DGKG: variants seen among roughly 807,000 people sequenced by gnomAD.
The protein encoded by DGKG is DAG kinase gamma.
In DGKG, 78 loss-of-function variants were observed where a neutral mutation model predicts 105.3. The observed-to-expected ratio is 0.74, with a 90% CI of 0.62 to 0.89. The LOEUF (loss-of-function observed/expected upper bound fraction) is 0.89, where lower values mean the gene tolerates loss of function less well. DGKG is among the 40% of genes least tolerant of loss of function. DGKG has a pLI of 0.00. For synonymous variants in DGKG, 346 were observed against 367.1 expected (o/e 0.94, Z 0.66); for missense variants, 958 against 1,020.1 (o/e 0.94, Z 0.83).
At chr3:186,267,808 GA>G in intron 12 of DGKG, 31 bp from the exon 13 acceptor site, 1 of 1,595,596 alleles carries the variant, frequency 6.3e-7, no homozygotes, top group Non-Finnish European at 8.6e-7. Context: ...GAGAGTGAGT[GA>G]AAGTGAGCAA....
intron 9 of DGKG, among the ~76,000 whole-genome samples, chr3:186,275,892 A>C (rs1722558707): frequency 6.6e-6 from 1 of 152,228 alleles, no homozygotes; most frequent in Non-Finnish European, 1.5e-5. Flanking sequence ...TGTGTGGGAT[A>C]AAATAAATCC....
At chr3:186,180,195 G>A (rs144168059) in intron 22 of DGKG, among the ~76,000 whole-genome samples, 1 of 152,130 alleles carries the variant, frequency 6.6e-6, no homozygotes. Flanking sequence ...CATCAATAAG[G>A]CAGGGAACAT....
intron 20 of DGKG, among the ~76,000 whole-genome samples, chr3:186,230,882 T>C (rs1216808295): frequency 6.6e-6 from 1 of 152,220 alleles, no homozygotes; most frequent in Non-Finnish European, 1.5e-5. Flanking sequence ...AGTACACTGC[T>C]GGGCTCAGAG....
intron 3 of DGKG, among the ~76,000 whole-genome samples, chr3:186,302,517 TATATATATATATATAC>T (rs1724009170): frequency 6.1e-5 from 3 of 48,976 alleles, no homozygotes; most frequent in African/African-American, 4.1e-4. Flanking sequence ...CATATGTGTA[TATATATATATATATAC>T]ATATGTATAT....
intron 21 of DGKG, among the ~76,000 whole-genome samples, chr3:186,194,977 C>T (rs1462700310): frequency 6.6e-6 from 1 of 151,904 alleles, no homozygotes; most frequent in Admixed American, 6.6e-5. Context: ...TGGTGGGGGA[C>T]GCCTGTAATC....
intron 21 of DGKG, among the ~76,000 whole-genome samples, chr3:186,204,782 GAGA>G (rs1198102819): frequency 6.6e-6 from 1 of 152,146 alleles, no homozygotes; most frequent in Non-Finnish European, 1.5e-5. Context: ...GATCGATGTT[GAGA>G]AGAACTTGCT....
At chr3:186,266,779 G>T (rs1421461038) in intron 13 of DGKG, among the ~76,000 whole-genome samples, 1 of 152,066 alleles carries the variant, frequency 6.6e-6, no homozygotes, top group Non-Finnish European at 1.5e-5. Flanking sequence ...TGTATTTTTA[G>T]TAGAGATGGG....
intron 1 of DGKG, among the ~76,000 whole-genome samples, chr3:186,332,794 T>C (rs772045330): frequency 1.3e-5 from 2 of 152,098 alleles, no homozygotes; most frequent in Admixed American, 6.5e-5. Context: ...TATTGAGAGG[T>C]GAGGCCTTTA....
intron 21 of DGKG, among the ~76,000 whole-genome samples, chr3:186,195,323 A>C (rs903952959): frequency 6.6e-6 from 1 of 152,088 alleles, no homozygotes; most frequent in African/African-American, 2.4e-5. Context: ...AAAAAGAATT[A>C]CCTTAATACT....
At chr3:186,194,533 A>G (rs1039446340) in intron 21 of DGKG, among the ~76,000 whole-genome samples, 4 of 152,188 alleles carry the variant, frequency 2.6e-5, no homozygotes, top group Non-Finnish European at 5.9e-5. Flanking sequence ...TTCAGTTTTT[A>G]GCAACTAGGA....
intron 22 of DGKG, among the ~76,000 whole-genome samples, chr3:186,169,422 T>C (rs749028319): frequency 1.4e-4 from 21 of 152,250 alleles, no homozygotes; most frequent in Non-Finnish European, 2.6e-4. Context: ...TGCATTAATG[T>C]TATAACAAAA....
chr3:186,162,217 C>T (rs1474802171), intron 23 of DGKG, among the ~76,000 whole-genome samples: 1 of 152,178 alleles, frequency 6.6e-6, no homozygotes, highest in African/African-American at 2.4e-5. Flanking sequence ...TTAATAAGCA[C>T]TACAGGGGAT....
intron 22 of DGKG, among the ~76,000 whole-genome samples, chr3:186,169,640 T>G (rs1038859209): frequency 1.3e-5 from 2 of 152,202 alleles, no homozygotes; most frequent in East Asian, 3.8e-4. Context: ...CTCTGTGCTT[T>G]TACATGTACT....
intron 21 of DGKG, chr3:186,207,502 G>C: frequency 1.0e-6 from 1 of 985,398 alleles, no homozygotes; most frequent in Non-Finnish European, 1.2e-6. Flanking sequence ...CAGATTCCAT[G>C]AGGCACTTAG....
At chr3:186,334,753 G>C (rs1220728606) in intron 1 of DGKG, among the ~76,000 whole-genome samples, 3 of 152,146 alleles carry the variant, frequency 2.0e-5, no homozygotes, top group Admixed American at 6.5e-5. Flanking sequence ...CGGAGGTTAA[G>C]TAACTTGTCC....
Position 186,284,600 on chromosome 3 carries a change from T to C in DGKG, c.594+60A>G, listed in dbSNP as rs60759155. 0.01 allele frequency: 14,363 copies of C among 1,387,838 alleles called. 1,215 individuals are homozygous for C. In the African/African-American group the frequency reaches 0.18, roughly 17 times the overall value. 86.0% of individuals were successfully genotyped at this position (1,387,838 alleles called of 1,614,324 possible). A position where few individuals can be genotyped will look rare whatever the true frequency, so the allele number is the denominator to read the frequency against. On this transcript the variant is annotated intron_variant, in intron 7 of 24. Coordinates refer to ENST00000265022, the MANE Select transcript of DGKG (RefSeq NM_001346.3). This position sits in a 1 kb window ranked among gnomAD's most constrained non-coding sequence, Gnocchi z 4.0. ...AACATTTTCAGATTCTTCCTCTGCT[T>C]GCTCCCTGCTCCCCCAGCCTTTCTC...
chr3:186,260,664 G>A (rs1180090423), intron 15 of DGKG, 151 bp from the exon 16 acceptor site: 6 of 650,424 alleles, frequency 9.2e-6, no homozygotes, highest in East Asian at 5.4e-5. Context: ...ACTGCCTGCT[G>A]ACCCTGGCGT....
At chr3:186,213,266 T>G (rs1719123453) in intron 20 of DGKG, among the ~76,000 whole-genome samples, 2 of 152,250 alleles carry the variant, frequency 1.3e-5, no homozygotes, top group South Asian at 4.1e-4. Context: ...TCAACCCATG[T>G]GCTGTGGCAC....
chr3:186,286,066 CACG>C (rs1329701461), intron 6 of DGKG, among the ~76,000 whole-genome samples: 1 of 152,216 alleles, frequency 6.6e-6, no homozygotes, highest in Non-Finnish European at 1.5e-5. Flanking sequence ...CCACTTGGGG[CACG>C]TACCAGCCTG....
Sources: gnomAD v4.1 joint callset for allele counts (sites outside exome capture counted in the v4.1 genomes callset) on GRCh38, gnomAD v4.1.1 for gene constraint, Gnocchi (gnomAD v3.1) non-coding constraint, MANE v1.5 for transcripts, NCBI Gene and HGNC (gene_info 2026-07-23, HGNC 2026-07-21) for gene names.